The following CHID1 variants were observed in gnomAD, a reference collection of about 807,000 sequenced individuals.
The protein encoded by CHID1 is chitinase domain-containing protein 1.
Under a neutral mutation model 55.4 loss-of-function variants are expected in CHID1, and 44 were observed. That is an observed-to-expected ratio of 0.79 (90% CI 0.62 to 1.02). The LOEUF (loss-of-function observed/expected upper bound fraction) is 1.02, where lower values mean the gene tolerates loss of function less well. CHID1 is among the 50% of genes least tolerant of loss of function. CHID1 has a pLI of 0.00. For synonymous variants in CHID1, 216 were observed against 212.9 expected (o/e 1.01, Z -0.13); for missense variants, 491 against 515.3 (o/e 0.95, Z 0.46).
chr11:907,009 C>T (rs1025819258), intron 1 of CHID1, among the ~76,000 whole-genome samples: 1 of 152,184 alleles, frequency 6.6e-6, no homozygotes, highest in Non-Finnish European at 1.5e-5. Context: ...GCCTAGGCAA[C>T]AGGAGCAAAA....
At chr11:914,386 C>T (rs1852840825), upstream of CHID1, 8 of 535,142 alleles carry the variant, frequency 1.5e-5, no homozygotes, top group Non-Finnish European at 2.1e-5. Context: ...GGCCCTCCTG[C>T]TTGCCCACTG....
At position 904,731 on chromosome 11, in the gene CHID1, G is replaced by A; in HGVS notation, c.86C>T (p.Ala29Val). The change falls in exon 2 of 13, where the codon GCC becomes GTC. Residue 29 changes from alanine to valine, a missense_variant. Transcript: ENST00000323578. ...CTTCTCCAGCAGCGTCTTTGAGGCG[G>A]CTTTTTTGGCATCTGACTTTGACAG... ...TTLSKSDAKK[A>V]ASKTLLEKSQ... 1 of 1,614,132 alleles carries A rather than the reference G, an allele frequency of 6.2e-7. No individual in the cohort carries two copies. Among genetic ancestry groups the A allele is most frequent in the Non-Finnish European group, 8.5e-7 (1 of 1,180,010 alleles).
chr11:881,993 G>C (rs562109405), intron 10 of CHID1, among the ~76,000 whole-genome samples: 1 of 140,250 alleles, frequency 7.1e-6, no homozygotes, highest in South Asian at 2.3e-4. Flanking sequence ...GACAGGGTGA[G>C]ACCCTGTCTC....
chr11:869,796 C>G lies in CHID1; in HGVS notation c.*62G>C. 6.9e-7 allele frequency: 1 copy of G among 1,450,908 alleles called. No individual in the cohort carries two copies. The allele number at this position is 1,450,908 out of a possible 1,614,324, so 89.9% of individuals were successfully genotyped here. On this transcript the variant is annotated 3_prime_UTR_variant, in exon 13 of 13. Transcript: ENST00000323578. ...ACGGAGTGGAGGCCTGTATTTCACA[C>G]CTGCTCACTCACTCCATGGCTTAGA...
intron 8 of CHID1, among the ~76,000 whole-genome samples, chr11:887,215 A>G (rs1850469861): frequency 6.6e-6 from 1 of 152,112 alleles, no homozygotes; most frequent in African/African-American, 2.4e-5. Flanking sequence ...TTTTGTAAAG[A>G]TGAGGTCTCA....
intron 8 of CHID1, among the ~76,000 whole-genome samples, chr11:892,727 A>C (rs982014521): frequency 1.3e-5 from 2 of 152,160 alleles, no homozygotes; most frequent in Non-Finnish European, 2.9e-5. Flanking sequence ...TGCAGCCCAC[A>C]CTGATCAGCG....
chr11:914,763 C>G (rs1852854981), upstream of CHID1: 6 of 340,600 alleles, frequency 1.8e-5, no homozygotes, highest in Non-Finnish European at 3.4e-5. Flanking sequence ...GTTGGAGGTG[C>G]CTGGTGGCTG....
intron 8 of CHID1, among the ~76,000 whole-genome samples, chr11:890,558 T>A (rs894597725): frequency 3.3e-5 from 5 of 152,154 alleles, no homozygotes; most frequent in African/African-American, 1.2e-4. Context: ...TGAGGTCAGC[T>A]CCCTGGACCC....
chr11:870,328 C>A (rs1849083481), intron 11 of CHID1, 91 bp downstream of exon 11: 12 of 1,341,226 alleles, frequency 8.9e-6, no homozygotes, highest in South Asian at 1.2e-5. Flanking sequence ...GACCCTGAGA[C>A]CCCCTGGGCC....
At position 900,919 on chromosome 11, in the gene CHID1, T is replaced by C; in HGVS notation, c.439+17A>G. 6.3e-7 allele frequency: 1 copy of C among 1,595,732 alleles called. No individual in the cohort carries two copies. The highest frequency in any genetic ancestry group is 2.3e-5 in the East Asian group (1 of 42,588). On this transcript the variant is annotated intron_variant, in intron 5 of 12. Transcript: ENST00000323578. ...TTTGAGCCATCAGGGCCTCCACTCC[T>C]GGCCTGCCGCACTTACCTATGTGCA...
Position 868,543 on chromosome 11 carries a change from G to A in CHID1, c.*1315C>T, listed in dbSNP as rs1848987570. ...GTATCTCCTATGCCCGTGTCAAGCAGCAGCAGGGCGGTGGGAACGGCTGCA... is the reference window on the plus strand; with the variant it reads ...GTATCTCCTATGCCCGTGTCAAGCAACAGCAGGGCGGTGGGAACGGCTGCA... On this transcript the variant is annotated 3_prime_UTR_variant, in exon 13 of 13. Coordinates refer to ENST00000323578, the MANE Select transcript of CHID1 (RefSeq NM_023947.4). 6.6e-6 allele frequency: 1 copy of A among 152,182 alleles called. No homozygotes were observed. The highest frequency in any genetic ancestry group is 1.5e-5 in the Non-Finnish European group (1 of 68,050). 9.4% of individuals were successfully genotyped at this position (152,182 alleles called of 1,614,324 possible).
At chr11:889,697 A>T (rs1472387728) in intron 8 of CHID1, among the ~76,000 whole-genome samples, 1 of 152,112 alleles carries the variant, frequency 6.6e-6, no homozygotes, top group Non-Finnish European at 1.5e-5. Flanking sequence ...GCCCCACAGC[A>T]GCCCTGAGGG....
chr11:876,089 C>T (rs746256932), intron 10 of CHID1, among the ~76,000 whole-genome samples: 3 of 152,060 alleles, frequency 2.0e-5, no homozygotes, highest in Admixed American at 2.0e-4. Flanking sequence ...CAACACAAGG[C>T]GAGAACAGAG....
intron 1 of CHID1, among the ~76,000 whole-genome samples, chr11:909,624 G>A (rs1262818695): frequency 6.6e-6 from 1 of 152,252 alleles, no homozygotes; most frequent in Non-Finnish European, 1.5e-5. Flanking sequence ...TTGTGCATGT[G>A]TGTACATGTG....
At chr11:904,207 T>C (rs951570676) in intron 2 of CHID1, among the ~76,000 whole-genome samples, 2 of 152,204 alleles carry the variant, frequency 1.3e-5, no homozygotes, top group African/African-American at 2.4e-5. Context: ...AGTCCAGGAC[T>C]AGGTCACAGT....
chr11:893,438 G>C lies in CHID1; in HGVS notation c.690C>G (p.Ala230=). ...AGAGCGGCACTTACCCGGGGGTGAT[G>C]GCAGGCGGGATGACCAGGAGGGCCA... The part of the protein sequence containing the change: ...RLLALLVIPP[A]ITPGTDQLGM... Residue 230 remains alanine, a synonymous_variant, in exon 8 of 13, where the codon GCC becomes GCG. Transcript: ENST00000323578. The C allele has an allele frequency of 6.4e-7, 1 of 1,550,840 alleles. No individual in the cohort carries two copies. Among genetic ancestry groups the C allele is most frequent in the East Asian group, 2.4e-5 (1 of 41,434 alleles).
At position 884,121 on chromosome 11, in the gene CHID1, G is replaced by A; in HGVS notation, c.750C>T (p.Ala250=). ...TGAGGCTGAAACCATCCAGCACGGG[G>A]GCCAGCTGCTCAAACTCCTTGTGCG... ...MFTHKEFEQL[A]PVLDGFSLMT... is the part of the protein sequence containing the mutation. Residue 250 remains alanine, a synonymous_variant, in exon 9 of 13, where the codon GCC becomes GCT. Transcript: ENST00000323578. 7 of 1,614,156 alleles carry A rather than the reference G, an allele frequency of 4.3e-6. No homozygotes were observed. The highest frequency in any genetic ancestry group is 5.9e-6 in the Non-Finnish European group (7 of 1,180,000).
At chr11:900,253 C>T (rs944785402) in intron 5 of CHID1, 143 bp from the exon 6 acceptor site, 16 of 649,196 alleles carry the variant, frequency 2.5e-5, no homozygotes, top group Admixed American at 2.1e-4. Flanking sequence ...CCACCTGGAG[C>T]ACCCACATGT....
At chr11:883,730 T>A (rs1277161361) in intron 9 of CHID1, among the ~76,000 whole-genome samples, 1 of 152,250 alleles carries the variant, frequency 6.6e-6, no homozygotes, top group Non-Finnish European at 1.5e-5. Context: ...TCCTGAGGTC[T>A]CCCTGCCTGC....
Sources: gnomAD v4.1 joint callset for allele counts (sites outside exome capture counted in the v4.1 genomes callset) on GRCh38, gnomAD v4.1.1 for gene constraint, MANE v1.5 for transcripts, NCBI Gene and HGNC (gene_info 2026-07-23, HGNC 2026-07-21) for gene names.